FAM135A: variants seen among roughly 807,000 people sequenced by gnomAD.
The protein encoded by FAM135A is protein FAM135A.
Under a neutral mutation model 146.8 loss-of-function variants are expected in FAM135A, and 79 were observed. That is an observed-to-expected ratio of 0.54 (90% confidence interval 0.45 to 0.65). The LOEUF is 0.65. Among genes scored for constraint, FAM135A ranks in the 30% least tolerant of loss-of-function variants. FAM135A has a pLI of 0.00. For missense variants in FAM135A, 1,623 were observed against 1,758.2 expected, an observed-to-expected ratio of 0.92 and a Z score of 1.38; for synonymous variants, 562 against 603.6, an observed-to-expected ratio of 0.93 and a Z score of 1.01.
chr6:70,531,184 T>TA (rs1409805313), intron 16 of FAM135A, among the ~76,000 whole-genome samples: 1 of 152,206 alleles, frequency 6.6e-6, no homozygotes, highest in African/African-American at 2.4e-5. Context: ...ACTCTAATGA[T>TA]AAGCAGATAT....
intron 2 of FAM135A, among the ~76,000 whole-genome samples, chr6:70,419,736 G>T (rs1337705524): frequency 6.6e-6 from 1 of 152,002 alleles, no homozygotes; most frequent in Non-Finnish European, 1.5e-5. Context: ...TCCTTCATTT[G>T]GTATCAGTTC....
At chr6:70,475,766 C>G in intron 7 of FAM135A, 33 bp downstream of exon 7, 1 of 1,484,170 alleles carries the variant, frequency 6.7e-7, no homozygotes, top group African/African-American at 1.4e-5. Flanking sequence ...AACCTTTAGG[C>G]ACTTATGACT....
At chr6:70,475,200 T>G (rs991578789) in intron 5 of FAM135A, among the ~76,000 whole-genome samples, 1 of 152,246 alleles carries the variant, frequency 6.6e-6, no homozygotes, top group Non-Finnish European at 1.5e-5. Flanking sequence ...TAAGATGTCA[T>G]GCAGTAATTT....
At chr6:70,463,086 C>A (rs1165747776) in intron 5 of FAM135A, among the ~76,000 whole-genome samples, 1 of 152,078 alleles carries the variant, frequency 6.6e-6, no homozygotes, top group African/African-American at 2.4e-5. Context: ...TGTTTCCCAC[C>A]ATTCTTGTGG....
At chr6:70,479,380 A>C (rs940642994) in intron 8 of FAM135A, among the ~76,000 whole-genome samples, 1 of 152,198 alleles carries the variant, frequency 6.6e-6, no homozygotes, top group Non-Finnish European at 1.5e-5. Context: ...AGAAGCCAGG[A>C]GGATTAACTG....
At chr6:70,464,763 T>C (rs1780106733) in intron 5 of FAM135A, among the ~76,000 whole-genome samples, 1 of 147,862 alleles carries the variant, frequency 6.8e-6, no homozygotes, top group Admixed American at 6.8e-5. Flanking sequence ...GTCTTCCCAG[T>C]TCAAGCGATT....
At position 70,470,271 on chromosome 6, in the gene FAM135A, A is replaced by G. The variant is rs549252159; in HGVS notation, c.158-5139A>G. On this transcript the variant is annotated intron_variant, in intron 5 of 21. Coordinates refer to ENST00000418814, the MANE Select transcript of FAM135A (RefSeq NM_001162529.3). ...CATTATCTCACAGTTTCTGTGTGTCAGAAATTTAGCTGCATGCCTCTGACT... is the reference window on the plus strand; with the variant it reads ...CATTATCTCACAGTTTCTGTGTGTCGGAAATTTAGCTGCATGCCTCTGACT... 9.8e-5 allele frequency among the ~76,000 whole-genome samples: 15 copies of G among 152,354 alleles called. No individual in the cohort carries two copies. The East Asian group carries it at 1.2e-3, about 12-fold the overall frequency.
At chr6:70,552,624 G>A (rs1302693746) in intron 20 of FAM135A, among the ~76,000 whole-genome samples, 4 of 151,718 alleles carry the variant, frequency 2.6e-5, no homozygotes, top group Non-Finnish European at 4.4e-5. Context: ...GCCTGCCACC[G>A]TGCCCAGCTA....
intron 12 of FAM135A, among the ~76,000 whole-genome samples, chr6:70,511,189 T>C (rs188566620): frequency 6.6e-6 from 1 of 152,128 alleles, no homozygotes; most frequent in African/African-American, 2.4e-5. Context: ...GGCCCTTATC[T>C]GATACATAAT....
chr6:70,437,375 TAAAGAATGGATTTTA>T (rs1773416952), intron 4 of FAM135A, among the ~76,000 whole-genome samples: 1 of 152,090 alleles, frequency 6.6e-6, no homozygotes, highest in African/African-American at 2.4e-5. Context: ...TTGGCAAAAT[TAAAGAATGGATTTTA>T]AAAGAATATA....
intron 12 of FAM135A, among the ~76,000 whole-genome samples, chr6:70,510,705 A>G (rs1296369422): frequency 6.6e-6 from 1 of 152,086 alleles, no homozygotes; most frequent in Non-Finnish European, 1.5e-5. Flanking sequence ...ATTGACTACT[A>G]TGAATAGTTG....
chr6:70,418,051 G>T (rs978843432), intron 2 of FAM135A, among the ~76,000 whole-genome samples: 7 of 152,078 alleles, frequency 4.6e-5, no homozygotes, highest in South Asian at 4.1e-4. Flanking sequence ...TATAATTCAT[G>T]CAATATGGCA....
intron 4 of FAM135A, among the ~76,000 whole-genome samples, chr6:70,445,979 C>T (rs1378793543): frequency 6.6e-6 from 1 of 152,212 alleles, no homozygotes; most frequent in African/African-American, 2.4e-5. Flanking sequence ...CAAAGACAAA[C>T]AACACAGATT....
At chr6:70,438,694 A>G (rs1281352789) in intron 4 of FAM135A, among the ~76,000 whole-genome samples, 1 of 152,214 alleles carries the variant, frequency 6.6e-6, no homozygotes, top group Non-Finnish European at 1.5e-5. Context: ...GGAAAAGACG[A>G]AAGTTCTCGA....
chr6:70,483,128 T>C (rs1272937909), intron 10 of FAM135A, among the ~76,000 whole-genome samples: 1 of 152,140 alleles, frequency 6.6e-6, no homozygotes, highest in Non-Finnish European at 1.5e-5. Context: ...ACAGAGGAAT[T>C]GCAAGAAAGT....
At chr6:70,491,923 T>TA (rs1468870787) in intron 11 of FAM135A, among the ~76,000 whole-genome samples, 1 of 151,896 alleles carries the variant, frequency 6.6e-6, no homozygotes, top group Admixed American at 6.6e-5. Flanking sequence ...TAAATATACA[T>TA]ATGATACTCC....
intron 12 of FAM135A, among the ~76,000 whole-genome samples, chr6:70,517,989 A>G (rs1473416741): frequency 1.3e-5 from 2 of 152,182 alleles, no homozygotes; most frequent in Non-Finnish European, 2.9e-5. Context: ...GTGAGAGGAA[A>G]AGTTGCAAGT....
At chr6:70,477,847 G>A (rs1293462540) in intron 8 of FAM135A, among the ~76,000 whole-genome samples, 2 of 152,086 alleles carry the variant, frequency 1.3e-5, no homozygotes, top group African/African-American at 4.8e-5. Context: ...AAATTCAAGA[G>A]TATGGGAAAC....
intron 5 of FAM135A, among the ~76,000 whole-genome samples, chr6:70,464,000 G>A (rs147274502): frequency 7.9e-4 from 120 of 152,276 alleles, no homozygotes; most frequent in African/African-American, 2.9e-3. Context: ...TTATTTGAAT[G>A]TTTCTATCCA....
Sources: gnomAD v4.1 joint callset for allele counts (sites outside exome capture counted in the v4.1 genomes callset) on GRCh38, gnomAD v4.1.1 for gene constraint, MANE v1.5 for transcripts, NCBI Gene and HGNC (gene_info 2026-07-23, HGNC 2026-07-21) for gene names.